TP63: variants seen among roughly 807,000 people sequenced by gnomAD.
TP63 encodes the protein tumor protein p63.
Under a neutral mutation model 82.8 loss-of-function variants are expected in TP63, and 17 were observed. That is an observed-to-expected ratio of 0.21 (90% confidence interval 0.14 to 0.31). The LOEUF is 0.31. TP63 is among the 10% of genes least tolerant of loss of function. The pLI is 1.00. For missense variants in TP63, 648 were observed against 895.3 expected, an observed-to-expected ratio of 0.72 and a Z score of 3.52; for synonymous variants, 330 against 321.7, an observed-to-expected ratio of 1.03 and a Z score of -0.28.
chr3:189,782,802 C>T (rs767338501), intron 3 of TP63, among the ~76,000 whole-genome samples: 9 of 151,892 alleles, frequency 5.9e-5, no homozygotes, highest in East Asian at 3.9e-4. Context: ...TAATGAATAA[C>T]GTATAATAGC....
chr3:189,612,261 T>C, the TP63 span, among the ~76,000 whole-genome samples: 3 of 77,212 alleles, frequency 3.9e-5, no homozygotes, highest in Non-Finnish European at 1.1e-4. Flanking sequence ...AATTCCCACA[T>C]GTTGTGGGAA....
At chr3:189,730,073 G>C (rs1720051581) in intron 1 of TP63, among the ~76,000 whole-genome samples, 1 of 152,190 alleles carries the variant, frequency 6.6e-6, no homozygotes, top group Admixed American at 6.5e-5. Context: ...TAGGGAGGTG[G>C]ATAATGAAGG....
upstream of TP63, among the ~76,000 whole-genome samples, chr3:189,627,764 G>T (rs1729351899): frequency 6.6e-6 from 1 of 152,126 alleles, no homozygotes; most frequent in Non-Finnish European, 1.5e-5. Context: ...GTGGTATGAG[G>T]AAAGTTTTGG....
In TP63 at chr3:189,873,010, G is replaced by A. The variant is rs200230644; in HGVS notation, c.1349+15G>A. 96 of 1,614,084 alleles carry A rather than the reference G, an allele frequency of 5.9e-5. 1 individual carries two copies. Among genetic ancestry groups the A allele is most frequent in the East Asian group, 3.8e-4 (17 of 44,876 alleles). On this transcript the variant is annotated intron_variant, in intron 10 of 13. Transcript: ENST00000264731. ...CTTCAGAAACAGTGAGTGTATCAAC[G>A]TGTCATTTTAGGAGGCATGAGTGAG...
the TP63 span, among the ~76,000 whole-genome samples, chr3:189,623,860 T>TC: frequency 0.83 from 126,242 of 152,074 alleles, 53,681 homozygotes; most frequent in Middle Eastern, 0.97. Flanking sequence ...GTATTATGTT[T>TC]CCTTTTATTC....
chr3:189,896,265 T>C lies in TP63; in HGVS notation c.*1763T>C, dbSNP rs1721463052. 2 of 218,826 alleles carry C rather than the reference T, an allele frequency of 9.1e-6. No individual in the cohort carries two copies. Among genetic ancestry groups the C allele is most frequent in the East Asian group, 1.3e-4 (2 of 14,862 alleles). The allele number at this position is 218,826 out of a possible 1,614,324, so 13.6% of individuals were successfully genotyped here. A position where few individuals can be genotyped will look rare whatever the true frequency, so the allele number is the denominator to read the frequency against. Reference sequence around the variant, plus strand: ...AAGTGTGTATATATTTTGTGTGAAATTGCATACTTTGTATTTTGATTATTT... The same window carrying C: ...AAGTGTGTATATATTTTGTGTGAAACTGCATACTTTGTATTTTGATTATTT... On this transcript the variant is annotated 3_prime_UTR_variant, in exon 14 of 14. Coordinates refer to ENST00000264731, the MANE Select transcript of TP63 (RefSeq NM_003722.5).
At chr3:189,761,253 A>AG (rs1176930236) in intron 3 of TP63, among the ~76,000 whole-genome samples, 1 of 152,198 alleles carries the variant, frequency 6.6e-6, no homozygotes, top group African/African-American at 2.4e-5. Context: ...TTGCATTGTC[A>AG]GGCTGCAAAT....
intron 3 of TP63, among the ~76,000 whole-genome samples, chr3:189,747,671 G>C: frequency 6.6e-6 from 1 of 151,880 alleles, no homozygotes; most frequent in East Asian, 1.9e-4. Flanking sequence ...TGCACCTTAA[G>C]GAAATGGAAA....
At chr3:189,608,932 G>A in the TP63 span, among the ~76,000 whole-genome samples, 6 of 129,470 alleles carry the variant, frequency 4.6e-5, no homozygotes, top group Non-Finnish European at 3.4e-5. Context: ...GGAGCACCAC[G>A]TACAAATTTA....
intron 1 of TP63, among the ~76,000 whole-genome samples, chr3:189,716,561 G>A (rs1213019699): frequency 6.6e-6 from 1 of 152,184 alleles, no homozygotes; most frequent in Non-Finnish European, 1.5e-5. Flanking sequence ...TTTCACATCA[G>A]TAAACACAGT....
Position 189,894,561 on chromosome 3 carries a change from CCTG to C in TP63, c.*62_*64del. 2.5e-6 allele frequency: 4 copies of C among 1,591,296 alleles called. No homozygotes were observed. The highest frequency in any genetic ancestry group is 2.6e-6 in the Non-Finnish European group (3 of 1,168,606). ...TAACTGCCAGCCCCCTAAAAGCACT[CCTG>C]CTTAATCTTCAAAGCCTTCTCCCTA... On this transcript the variant is annotated 3_prime_UTR_variant, in exon 14 of 14. Transcript: ENST00000264731.
chr3:189,873,290 CTAACAG>C (rs1560286488), intron 10 of TP63: 6 of 461,384 alleles, frequency 1.3e-5, no homozygotes, highest in African/African-American at 7.9e-5. Flanking sequence ...TCCATACACA[CTAACAG>C]TAAGTACACA....
At chr3:189,665,633 A>G (rs2108661125) in intron 1 of TP63, among the ~76,000 whole-genome samples, 1 of 152,226 alleles carries the variant, frequency 6.6e-6, no homozygotes, top group Admixed American at 6.5e-5. Context: ...TCACAACACT[A>G]ATTAATTCTG....
chr3:189,877,095 C>T (rs747973828), intron 10 of TP63, among the ~76,000 whole-genome samples: 4 of 152,140 alleles, frequency 2.6e-5, no homozygotes, highest in African/African-American at 7.2e-5. Flanking sequence ...AAAATTTCTT[C>T]GCGTTTACCT....
chr3:189,844,316 C>A, intron 4 of TP63: 2 of 407,938 alleles, frequency 4.9e-6, no homozygotes, highest in South Asian at 1.7e-5. Flanking sequence ...GGATTACAGG[C>A]ACGCGCCACC....
intron 1 of TP63, among the ~76,000 whole-genome samples, chr3:189,729,023 G>A (rs979262018): frequency 6.7e-6 from 1 of 149,456 alleles, no homozygotes; most frequent in Non-Finnish European, 1.5e-5. Context: ...CAGGGTTAAT[G>A]ACTGTAAATT....
intron 1 of TP63, among the ~76,000 whole-genome samples, chr3:189,633,708 G>T: frequency 6.6e-6 from 1 of 152,064 alleles, no homozygotes; most frequent in East Asian, 1.9e-4. Context: ...AGAATGGCCA[G>T]GGAGCAATTA....
At chr3:189,715,116 C>T (rs549367683) in intron 1 of TP63, among the ~76,000 whole-genome samples, 1 of 152,240 alleles carries the variant, frequency 6.6e-6, no homozygotes, top group South Asian at 2.1e-4. Context: ...CGTTTCCTCC[C>T]TTTCTCCTCC....
intron 1 of TP63, among the ~76,000 whole-genome samples, chr3:189,681,046 A>T (rs1171456988): frequency 6.6e-6 from 1 of 152,170 alleles, no homozygotes; most frequent in African/African-American, 2.4e-5. Context: ...TCCATGAGGC[A>T]CTGCTTAGGT....
Sources: allele counts gnomAD v4.1 joint callset (sites outside exome capture counted in the v4.1 genomes callset), GRCh38; gene constraint gnomAD v4.1.1; transcripts MANE v1.5; gene names NCBI Gene and HGNC (gene_info 2026-07-23, HGNC 2026-07-21).